MBD3: variants seen among roughly 807,000 people sequenced by gnomAD.
The protein encoded by MBD3 is methyl-CpG binding domain protein 3.
MBD3 carries 13 observed loss-of-function variants against 31.2 expected under a neutral mutation model. The observed-to-expected ratio is 0.42, with a 90% CI of 0.27 to 0.66. The LOEUF (loss-of-function observed/expected upper bound fraction) is 0.66, where lower values mean the gene tolerates loss of function less well. MBD3 is among the 30% of genes least tolerant of loss of function. The pLI, the probability that MBD3 is intolerant of heterozygous loss-of-function variation, is 0.26. For synonymous variants in MBD3, 223 were observed against 187.4 expected (o/e 1.19, Z -1.55); for missense variants, 440 against 426.5 (o/e 1.03, Z -0.28).
intron 1 of MBD3, among the ~76,000 whole-genome samples, chr19:1,586,975 T>C (rs1305681613): frequency 2.7e-5 from 4 of 149,766 alleles, no homozygotes; most frequent in Non-Finnish European, 5.9e-5. Flanking sequence ...CCTAATTTTT[T>C]TTTTTTTTAA....
rs765993045 is a variant in MBD3, at chr19:1,592,646, CGGCCCGCCGCCG to C, written c.-27_-16del. On this transcript the variant is annotated 5_prime_UTR_variant, in exon 1 of 7. Transcript: ENST00000434436. ...TTCCGCTCCATTGCGCCCGGCTCCT[CGGCCCGCCGCCG>C]GGCCCGCCGCCGCCGCCCGGACCCC... The C allele has an allele frequency of 9.0e-5, 106 of 1,181,454 alleles. 1 individual carries two copies. Among genetic ancestry groups the C allele is most frequent in the East Asian group, 2.9e-4 (5 of 17,324 alleles). The allele number at this position is 1,181,454 out of a possible 1,614,324, so 73.2% of individuals were successfully genotyped here.
At chr19:1,579,401 A>C (rs1280814060) in intron 5 of MBD3, among the ~76,000 whole-genome samples, 1 of 151,736 alleles carries the variant, frequency 6.6e-6, no homozygotes, top group Non-Finnish European at 1.5e-5. Flanking sequence ...CTCGGGGCCT[A>C]CAAGCTGATG....
intron 5 of MBD3, among the ~76,000 whole-genome samples, chr19:1,579,457 C>T (rs1599339572): frequency 2.6e-5 from 4 of 152,246 alleles, no homozygotes; most frequent in Admixed American, 2.6e-4. Flanking sequence ...GCCTCCGGGG[C>T]CGCAGCACGT....
rs182134054 is a variant in MBD3, at chr19:1,578,564, C to T, written c.678-26G>A. 812 of 1,610,592 alleles carry T rather than the reference C, an allele frequency of 5.0e-4. 7 individuals are homozygous for T. The African/African-American group carries it at 0.01, about 20-fold the overall frequency. On this transcript the variant is annotated intron_variant, in intron 5 of 6. Transcript: ENST00000434436. The surrounding 1 kb of genome is among the most constrained non-coding windows in gnomAD (Gnocchi z 6.1). The stretch of plus-strand genomic sequence containing the variant: ...CTGGGGACACATGGACCTTGCGTTA[C>T]ACCAAGGTGAGCGGCCAGCAGGACA...
intron 1 of MBD3, among the ~76,000 whole-genome samples, chr19:1,587,058 C>T (rs532385343): frequency 3.3e-4 from 50 of 151,634 alleles, no homozygotes; most frequent in African/African-American, 1.1e-3. Flanking sequence ...CTCCGACTTC[C>T]GGGTTCACAC....
At chr19:1,584,394 G>GT (rs1367281783) in intron 3 of MBD3, 146 bp downstream of exon 3, 10 of 1,272,800 alleles carry the variant, frequency 7.9e-6, no homozygotes, top group African/African-American at 7.3e-5. Flanking sequence ...TTTTTTACTT[G>GT]TTTTTTGCCT....
At chr19:1,589,730 G>C (rs2060695289) in intron 1 of MBD3, among the ~76,000 whole-genome samples, 1 of 152,172 alleles carries the variant, frequency 6.6e-6, no homozygotes, top group South Asian at 2.1e-4. Context: ...CTATGCTGGA[G>C]GCTTAGGAGG....
chr19:1,575,483 T>A lies in MBD3; in HGVS notation c.*2681A>T. 3.3e-6 allele frequency: 1 copy of A among 298,820 alleles called. No homozygotes were observed. Among genetic ancestry groups the A allele is most frequent in the Non-Finnish European group, 6.7e-6 (1 of 149,182 alleles). 18.5% of individuals were successfully genotyped at this position (298,820 alleles called of 1,614,324 possible). The stretch of plus-strand genomic sequence containing the variant: ...GGGCTGGGGGCAGCCAAGTGGCCTT[T>A]GAGGATGGGGCCAGGCACCGCACAG... On this transcript the variant is annotated 3_prime_UTR_variant, in exon 7 of 7. Transcript: ENST00000434436.
chr19:1,587,153 G>A (rs2060683240), intron 1 of MBD3, among the ~76,000 whole-genome samples: 1 of 151,650 alleles, frequency 6.6e-6, no homozygotes, highest in Non-Finnish European at 1.5e-5. Context: ...TTTTAGTAGA[G>A]GTGGGGTTTC....
intron 5 of MBD3, 24 bp downstream of exon 5, chr19:1,581,068 C>A (rs544119020): frequency 6.2e-7 from 1 of 1,613,960 alleles, no homozygotes; most frequent in South Asian, 1.1e-5. Context: ...GGTGGAGCAG[C>A]AGGGGACCAG....
At position 1,578,303 on chromosome 19, in the gene MBD3, G is replaced by A. The variant is rs377187416; in HGVS notation, c.*5+32C>T. ...CAGGCAGTCCCCACTGCCAGGACCC[G>A]ACTCCAGGGAGCCCCCGTGGCCCCG... On this transcript the variant is annotated intron_variant, in intron 6 of 6. Transcript: ENST00000434436. This position sits in a 1 kb window ranked among gnomAD's most constrained non-coding sequence, Gnocchi z 6.1. 123 of 1,599,632 alleles carry A rather than the reference G, an allele frequency of 7.7e-5. 1 individual carries two copies. In the East Asian group the frequency reaches 1.5e-3, roughly 19 times the overall value.
At chr19:1,580,399 C>T (rs1178668639) in intron 5 of MBD3, among the ~76,000 whole-genome samples, 1 of 152,244 alleles carries the variant, frequency 6.6e-6, no homozygotes, top group Non-Finnish European at 1.5e-5. Context: ...CCACAGGAAA[C>T]CCGCATGCCC....
At chr19:1,583,317 G>A (rs894163119) in intron 3 of MBD3, 6 of 147,356 alleles carry the variant, frequency 4.1e-5, no homozygotes, top group African/African-American at 1.5e-4. Flanking sequence ...GAAACCAGGA[G>A]GCAGAGGTTG....
chr19:1,583,758 T>C (rs527914350), intron 3 of MBD3, among the ~76,000 whole-genome samples: 1 of 152,140 alleles, frequency 6.6e-6, no homozygotes, highest in Non-Finnish European at 1.5e-5. Context: ...CCACACCTCA[T>C]GAGCAAGCTA....
At chr19:1,579,941 G>A (rs960135204) in intron 5 of MBD3, among the ~76,000 whole-genome samples, 1 of 152,080 alleles carries the variant, frequency 6.6e-6, no homozygotes, top group Non-Finnish European at 1.5e-5. Context: ...TATTTTTAGT[G>A]GAGACGGGGT....
In MBD3 at chr19:1,578,177, G is replaced by T; in HGVS notation, c.*6-19C>A. 2 of 1,151,402 alleles carry T rather than the reference G, an allele frequency of 1.7e-6. No individual in the cohort carries two copies. The highest frequency in any genetic ancestry group is 2.5e-6 in the Non-Finnish European group (2 of 811,662). The allele number at this position is 1,151,402 out of a possible 1,614,324, so 71.3% of individuals were successfully genotyped here. A position where few individuals can be genotyped will look rare whatever the true frequency, so the allele number is the denominator to read the frequency against. On this transcript the variant is annotated intron_variant, in intron 6 of 6. Coordinates refer to ENST00000434436, the MANE Select transcript of MBD3 (RefSeq NM_001281453.2). This position sits in a 1 kb window ranked among gnomAD's most constrained non-coding sequence, Gnocchi z 6.1. ...AGGGCCTCTGGAAAGGACAGGGAGG[G>T]CTGGCTTTAGCGACTCCACGGGACG... is the stretch of plus-strand genomic sequence containing the variant.
intron 5 of MBD3, 39 bp downstream of exon 5, chr19:1,581,053 G>A (rs1187020398): frequency 1.2e-6 from 2 of 1,612,922 alleles, no homozygotes; most frequent in Non-Finnish European, 1.7e-6. Flanking sequence ...GGCCACAAGA[G>A]ACAGGGTGGA....
In MBD3 at chr19:1,584,402, C is replaced by T. The variant is rs539360426; in HGVS notation, c.408+138G>A. The T allele has an allele frequency of 3.8e-6, 5 of 1,321,018 alleles. No homozygotes were observed. In the East Asian group the frequency reaches 9.4e-5, roughly 25 times the overall value. The allele number at this position is 1,321,018 out of a possible 1,614,324, so 81.8% of individuals were successfully genotyped here. On this transcript the variant is annotated intron_variant, in intron 3 of 6. Transcript: ENST00000434436. ...CAGCTAATTTTTTACTTGTTTTTTG[C>T]CTCGTCATGTTGCCCAGGCTAGCCT...
In MBD3 at chr19:1,574,961, G is replaced by A. The variant is rs1457047920; in HGVS notation, c.*3203C>T. 3.0e-6 allele frequency: 1 copy of A among 330,580 alleles called. No homozygotes were observed. The highest frequency in any genetic ancestry group is 4.1e-5 in the Admixed American group (1 of 24,454). The allele number at this position is 330,580 out of a possible 1,614,324, so 20.5% of individuals were successfully genotyped here. On this transcript the variant is annotated 3_prime_UTR_variant, in exon 7 of 7. Coordinates refer to ENST00000434436, the MANE Select transcript of MBD3 (RefSeq NM_001281453.2). ...AGGAGAGGCATGATGCCCCTTAGCTGGTGTTGCTGAGACTCGGGAGCCCTG... is the reference window on the plus strand; with the variant it reads ...AGGAGAGGCATGATGCCCCTTAGCTAGTGTTGCTGAGACTCGGGAGCCCTG...
Sources: allele counts gnomAD v4.1 joint callset (sites outside exome capture counted in the v4.1 genomes callset), GRCh38; gene constraint gnomAD v4.1.1; non-coding constraint Gnocchi (gnomAD v3.1); transcripts MANE v1.5; gene names NCBI Gene and HGNC (gene_info 2026-07-23, HGNC 2026-07-21).